Variants in GABRG3 observed in about 807,000 individuals in gnomAD.
GABRG3 encodes gamma-aminobutyric acid type A receptor subunit gamma3, also known as gamma-aminobutyric acid receptor subunit gamma-3.
GABRG3 carries 25 observed loss-of-function variants against 48.8 expected under a neutral mutation model. The observed-to-expected ratio is 0.51, with a 90% CI of 0.37 to 0.72. The LOEUF (loss-of-function observed/expected upper bound fraction) is 0.72. Ranked by LOEUF, GABRG3 falls within the 30% of genes least tolerant of loss-of-function variation. The pLI, the probability that GABRG3 is intolerant of heterozygous loss-of-function variation, is 0.00. For synonymous variants in GABRG3, 227 were observed against 217.6 expected, an observed-to-expected ratio of 1.04 and a Z score of -0.38; for missense variants, 394 against 577.9, an observed-to-expected ratio of 0.68 and a Z score of 3.26.
chr15:27,073,955 A>T (rs1302744971), intron 3 of GABRG3, among the ~76,000 whole-genome samples: 1 of 152,334 alleles, frequency 6.6e-6, no homozygotes, highest in East Asian at 1.9e-4. Flanking sequence ...TTTACAAAAG[A>T]AAGAGGTTTA....
rs553059253 is a variant in GABRG3 at position 27,006,172 on chromosome 15, T to A, written c.203-20582T>A. 1.5e-3 allele frequency among the ~76,000 whole-genome samples: 170 copies of A among 114,570 alleles called. 2 individuals carry two copies. The East Asian group carries it at 0.03, about 20-fold the overall frequency. 75.2% of individuals were successfully genotyped at this position (114,570 alleles called of 152,430 possible). A position where few individuals can be genotyped will look rare whatever the true frequency, so the allele number is the denominator to read the frequency against. The stretch of plus-strand genomic sequence containing the variant: ...TTCTTCAATAAAACTTTTTTTTACA[T>A]TCCTAGTTTTTTTTTTGTCTTCCAA... On this transcript the variant is annotated intron_variant, in intron 2 of 9. Coordinates refer to ENST00000615808, the MANE Select transcript of GABRG3 (RefSeq NM_033223.5).
rs1298260393 is a variant in GABRG3 at position 27,294,056 on chromosome 15, G to A, written c.271-32753G>A. ...AGGATATCAGAATTGGCTCCATTAA[G>A]TATGAAACACTTGAGGGAGTTAGCC... On this transcript the variant is annotated intron_variant, in intron 3 of 9. Transcript: ENST00000615808. Among the ~76,000 whole-genome samples, 9 of 152,228 alleles carry A rather than the reference G, an allele frequency of 5.9e-5. No homozygotes were observed. The East Asian group carries it at 1.7e-3, about 29-fold the overall frequency.
At chr15:27,345,764 A>G (rs1426432954) in intron 5 of GABRG3, among the ~76,000 whole-genome samples, 1 of 152,090 alleles carries the variant, frequency 6.6e-6, no homozygotes, top group Non-Finnish European at 1.5e-5. Context: ...TTTGTATGAG[A>G]AACTTTTGGC....
intron 3 of GABRG3, among the ~76,000 whole-genome samples, chr15:27,050,249 G>C (rs1359856766): frequency 6.6e-6 from 1 of 152,204 alleles, no homozygotes; most frequent in Non-Finnish European, 1.5e-5. Flanking sequence ...TTTACTTCCT[G>C]TATGAAGGAA....
At chr15:27,088,833 G>A (rs1264840597) in intron 3 of GABRG3, among the ~76,000 whole-genome samples, 1 of 152,144 alleles carries the variant, frequency 6.6e-6, no homozygotes, top group African/African-American at 2.4e-5. Flanking sequence ...GTGAGTGCCC[G>A]AGGAAGCGGT....
intron 5 of GABRG3, among the ~76,000 whole-genome samples, chr15:27,453,352 G>T (rs1889166837): frequency 6.6e-6 from 1 of 152,082 alleles, no homozygotes; most frequent in Admixed American, 6.5e-5. Context: ...GCTTAATTAT[G>T]GGAATGATTT....
At chr15:27,257,323 CA>C in intron 3 of GABRG3, among the ~76,000 whole-genome samples, 2 of 152,154 alleles carry the variant, frequency 1.3e-5, no homozygotes, top group Middle Eastern at 6.8e-3. Flanking sequence ...GTACAATTTG[CA>C]AATATTTTCC....
chr15:27,108,929 T>C (rs1310442891), intron 3 of GABRG3, among the ~76,000 whole-genome samples: 1 of 152,168 alleles, frequency 6.6e-6, no homozygotes, highest in African/African-American at 2.4e-5. Context: ...ATGTACCTTA[T>C]TGGCATAGGA....
At chr15:27,304,884 T>C (rs775280892) in intron 3 of GABRG3, among the ~76,000 whole-genome samples, 2 of 152,020 alleles carry the variant, frequency 1.3e-5, no homozygotes, top group Non-Finnish European at 2.9e-5. Flanking sequence ...TCTGATATTA[T>C]GGATACTGGA....
Position 27,537,397 on chromosome 15 carries a change from C to G in GABRG3, c.*4516C>G, listed in dbSNP as rs1198968408. On this transcript the variant is annotated 3_prime_UTR_variant, in exon 10 of 10. Transcript: ENST00000615808. ...TGTAATCTGTACCTATTTTTTTTCTCAAATTGGCCTGGAGGAAACATTCAG... is the reference window on the plus strand; with the variant it reads ...TGTAATCTGTACCTATTTTTTTTCTGAAATTGGCCTGGAGGAAACATTCAG... 1 of 151,990 alleles carries G rather than the reference C, an allele frequency of 6.6e-6. No homozygotes were observed. Among genetic ancestry groups the G allele is most frequent in the African/African-American group, 2.4e-5 (1 of 41,396 alleles). 9.4% of individuals were successfully genotyped at this position (151,990 alleles called of 1,614,324 possible).
chr15:27,187,338 G>C (rs756811610), intron 3 of GABRG3, among the ~76,000 whole-genome samples: 5 of 152,140 alleles, frequency 3.3e-5, no homozygotes, highest in African/African-American at 1.2e-4. Flanking sequence ...TTGTAGTATA[G>C]TTTAAAGTTG....
intron 5 of GABRG3, among the ~76,000 whole-genome samples, chr15:27,421,590 A>G (rs151212068): frequency 6.9e-6 from 1 of 145,112 alleles, no homozygotes; most frequent in African/African-American, 2.6e-5. Context: ...GGAGTGGGCT[A>G]TAAATCCACC....
At chr15:27,001,887 A>ATTTTTTTTTTTTTTTTTTT (rs1895453649) in intron 2 of GABRG3, among the ~76,000 whole-genome samples, 2 of 51,544 alleles carry the variant, frequency 3.9e-5, no homozygotes, top group Non-Finnish European at 9.3e-5. Context: ...CCCATAACTC[A>ATTTTTTTTTTTTTTTTTTT]GTTTTTTTTT....
rs1891633808 is a variant in GABRG3, at chr15:27,540,177, C to T, written c.*7296C>T. 1 of 152,234 alleles carries T rather than the reference C, an allele frequency of 6.6e-6. No homozygotes were observed. Among genetic ancestry groups the T allele is most frequent in the African/African-American group, 2.4e-5 (1 of 41,460 alleles). The allele number at this position is 152,234 out of a possible 1,614,324, so 9.4% of individuals were successfully genotyped here. ...ACATTTCCAGAACTGCTGTGTTCCC[C>T]AGCAGTCCTGCCTGCCCTGCCTCAA... On this transcript the variant is annotated 3_prime_UTR_variant, in exon 10 of 10. Transcript: ENST00000615808.
chr15:27,085,356 C>G (rs886270350), intron 3 of GABRG3, among the ~76,000 whole-genome samples: 8 of 152,138 alleles, frequency 5.3e-5, no homozygotes, highest in Admixed American at 2.0e-4. Flanking sequence ...TATTTTTTAA[C>G]CAGTGTGCTA....
At chr15:27,365,086 T>C (rs748792701) in intron 5 of GABRG3, 22 of 152,318 alleles carry the variant, frequency 1.4e-4, no homozygotes, top group Non-Finnish European at 4.4e-5. Flanking sequence ...TTTTTGTTCT[T>C]GCTGATCCAT....
chr15:27,309,497 A>G (rs1456988340), intron 3 of GABRG3, among the ~76,000 whole-genome samples: 1 of 151,976 alleles, frequency 6.6e-6, no homozygotes, highest in East Asian at 1.9e-4. Context: ...TAAACAAAAA[A>G]CTTGGTAAAA....
At chr15:27,009,242 C>A (rs1895643393) in intron 2 of GABRG3, among the ~76,000 whole-genome samples, 1 of 152,166 alleles carries the variant, frequency 6.6e-6, no homozygotes, top group Non-Finnish European at 1.5e-5. Flanking sequence ...CCGTGTAGAA[C>A]AAGCCGTCAG....
intron 6 of GABRG3, among the ~76,000 whole-genome samples, chr15:27,509,193 C>G (rs1452057247): frequency 1.3e-5 from 2 of 152,108 alleles, no homozygotes; most frequent in East Asian, 3.8e-4. Context: ...TGAATCTTAT[C>G]CTTTTTGCTC....
Sources: gnomAD v4.1 joint callset for allele counts (sites outside exome capture counted in the v4.1 genomes callset) on GRCh38, gnomAD v4.1.1 for gene constraint, MANE v1.5 for transcripts, NCBI Gene and HGNC (gene_info 2026-07-23, HGNC 2026-07-21) for gene names.